Variants in OSGIN1 observed in about 807,000 individuals in gnomAD.
The protein encoded by OSGIN1 is oxidative stress-induced growth inhibitor 1.
A neutral mutation model predicts 20.1 loss-of-function variants in OSGIN1; 19 were observed. That is an observed-to-expected ratio of 0.95 (90% CI 0.66 to 1.39). OSGIN1 has a LOEUF of 1.39. Among genes scored for constraint, OSGIN1 ranks in the 40% most tolerant of loss-of-function variants. The pLI is 0.00. For missense variants in OSGIN1, 820 were observed against 653.0 expected (o/e 1.26, Z -2.79); for synonymous variants, 368 against 297.8 (o/e 1.24, Z -2.43).
intron 5 of OSGIN1, among the ~76,000 whole-genome samples, chr16:83,964,223 G>A (rs1467745427): frequency 6.6e-6 from 1 of 152,154 alleles, no homozygotes; most frequent in Non-Finnish European, 1.5e-5. Flanking sequence ...AGAATCACCT[G>A]AGCCCGGGAG....
At chr16:83,953,655 C>T (rs1438188398) in intron 1 of OSGIN1, among the ~76,000 whole-genome samples, 1 of 152,234 alleles carries the variant, frequency 6.6e-6, no homozygotes, top group Non-Finnish European at 1.5e-5. Context: ...ATGTGACCGC[C>T]GCTCCTAGCA....
chr16:83,953,703 G>C (rs973614343), intron 1 of OSGIN1, among the ~76,000 whole-genome samples: 1 of 152,238 alleles, frequency 6.6e-6, no homozygotes, highest in Non-Finnish European at 1.5e-5. Flanking sequence ...TTACTGCCCA[G>C]CTGTTCCAAG....
At chr16:83,958,028 C>T (rs1442173766) in intron 2 of OSGIN1, among the ~76,000 whole-genome samples, 2 of 152,126 alleles carry the variant, frequency 1.3e-5, no homozygotes, top group Non-Finnish European at 2.9e-5. Flanking sequence ...AGGTGCATGC[C>T]ACCATGCCCA....
At position 83,966,183 on chromosome 16, in the gene OSGIN1, A is replaced by G. The variant is rs987995434; in HGVS notation, c.*176A>G. 6.7e-6 allele frequency: 4 copies of G among 599,278 alleles called. No homozygotes were observed. In the African/African-American group the frequency reaches 7.4e-5, roughly 11 times the overall value. The allele number at this position is 599,278 out of a possible 1,614,324, so 37.1% of individuals were successfully genotyped here. A position where few individuals can be genotyped will look rare whatever the true frequency, so the allele number is the denominator to read the frequency against. On this transcript the variant is annotated 3_prime_UTR_variant, in exon 6 of 6. Transcript: ENST00000393306. ...TGCCCTGGACTTAGACCAGTGTCTG[A>G]GGTGGTAACAGCGGCCGCAGGCCAG... is the stretch of plus-strand genomic sequence containing the variant.
Position 83,960,220 on chromosome 16 carries a change from A to G in OSGIN1, c.205-349A>G, listed in dbSNP as rs1336166312. ...AATTAAACAGGTAAATGATGGCTGCAGGACTTGTCAGAGCCTTTAATATGC... is the reference window on the plus strand; with the variant it reads ...AATTAAACAGGTAAATGATGGCTGCGGGACTTGTCAGAGCCTTTAATATGC... On this transcript the variant is annotated intron_variant, in intron 3 of 5. Coordinates refer to ENST00000393306, the MANE Select transcript of OSGIN1 (RefSeq NM_182981.3). 2.6e-5 allele frequency among the ~76,000 whole-genome samples: 4 copies of G among 152,226 alleles called. No homozygotes were observed. The East Asian group carries it at 7.7e-4, about 29-fold the overall frequency.
At chr16:83,961,194 G>A in intron 5 of OSGIN1, 122 bp downstream of exon 5, 1 of 739,456 alleles carries the variant, frequency 1.4e-6, no homozygotes, top group Non-Finnish European at 2.3e-6. Flanking sequence ...ACGCGCCCGT[G>A]ACAGCCTCAG....
At chr16:83,961,682 C>T (rs1285500282) in intron 5 of OSGIN1, among the ~76,000 whole-genome samples, 1 of 152,166 alleles carries the variant, frequency 6.6e-6, no homozygotes, top group Non-Finnish European at 1.5e-5. Context: ...GTCCACCCCA[C>T]ATGAGTGGGG....
chr16:83,961,081 GC>G lies in OSGIN1; in HGVS notation c.488+13del, dbSNP rs1173484600. 14 of 1,606,738 alleles carry G rather than the reference GC, an allele frequency of 8.7e-6. No individual in the cohort carries two copies. The highest frequency in any genetic ancestry group is 1.2e-5 in the Non-Finnish European group (14 of 1,174,148). On this transcript the variant is annotated intron_variant, in intron 5 of 5. Coordinates refer to ENST00000393306, the MANE Select transcript of OSGIN1 (RefSeq NM_182981.3). Reference sequence around the variant, plus strand: ...ATGCAGAAGAAGCGAAGGTGAGGCCGCCCCGGAACGCCTTGGGGGACACGGA... The same window carrying G: ...ATGCAGAAGAAGCGAAGGTGAGGCCGCCCGGAACGCCTTGGGGGACACGGA...
intron 4 of OSGIN1, 22 bp from the exon 5 acceptor site, chr16:83,960,959 C>T (rs372683062): frequency 8.7e-6 from 14 of 1,609,292 alleles, no homozygotes; most frequent in Middle Eastern, 3.3e-4. Context: ...AGGCCTGGAC[C>T]AAAGGGTTCC....
intron 1 of OSGIN1, among the ~76,000 whole-genome samples, chr16:83,956,260 C>G (rs150235489): frequency 6.6e-6 from 1 of 152,188 alleles, no homozygotes; most frequent in Non-Finnish European, 1.5e-5. Context: ...TTTCTGTCAC[C>G]CTGCACACAT....
rs201021116 is a variant in OSGIN1, at chr16:83,966,023, G to A, written c.*16G>A. 26 of 1,502,438 alleles carry A rather than the reference G, an allele frequency of 1.7e-5. No individual in the cohort carries two copies. The highest frequency in any genetic ancestry group is 9.7e-5 in the African/African-American group (7 of 71,886). The allele number at this position is 1,502,438 out of a possible 1,614,324, so 93.1% of individuals were successfully genotyped here. On this transcript the variant is annotated 3_prime_UTR_variant, in exon 6 of 6. Coordinates refer to ENST00000393306, the MANE Select transcript of OSGIN1 (RefSeq NM_182981.3). The stretch of plus-strand genomic sequence containing the variant: ...GCCACCCTAACACTCGGCCAGACCC[G>A]CTGGCTCCCAGGCCCTGAGAGGACA...
At chr16:83,963,076 G>A (rs540377631) in intron 5 of OSGIN1, among the ~76,000 whole-genome samples, 26 of 152,230 alleles carry the variant, frequency 1.7e-4, no homozygotes, top group Non-Finnish European at 2.8e-4. Context: ...TGCTTCCTCC[G>A]CCCCCAGGGC....
chr16:83,959,357 G>A lies in OSGIN1; in HGVS notation c.165G>A (p.Arg55=), dbSNP rs1445116837. The A allele has an allele frequency of 5.0e-6, 8 of 1,613,738 alleles. No individual in the cohort carries two copies. Among genetic ancestry groups the A allele is most frequent in the African/African-American group, 1.3e-5 (1 of 74,910 alleles). ...TCCACCCACACCCCCTGCTGCAGAG[G>A]AAGCTCACCGAGGCCCCGGGGGTCT... is the stretch of plus-strand genomic sequence containing the variant. ...DAIHPHPLLQ[R]KLTEAPGVSI... The change falls in exon 3 of 6, where the codon AGG becomes AGA. Residue 55 remains arginine (R), a synonymous_variant. Transcript: ENST00000393306.
chr16:83,965,905 C>T lies in OSGIN1; in HGVS notation c.1332C>T (p.Ala444=), dbSNP rs371065642. ...YQSTRQEGLY[A]MGPLAGDNFV... is the part of the protein sequence containing the mutation. ...GCACCCGCCAGGAGGGCCTGTACGCCATGGGGCCGCTGGCCGGGGACAACT... is the reference window on the plus strand; with the variant it reads ...GCACCCGCCAGGAGGGCCTGTACGCTATGGGGCCGCTGGCCGGGGACAACT... Residue 444 remains alanine (A), a synonymous_variant, in exon 6 of 6, where the codon GCC becomes GCT. Coordinates refer to ENST00000393306, the MANE Select transcript of OSGIN1 (RefSeq NM_182981.3). The T allele has an allele frequency of 2.5e-6, 4 of 1,612,848 alleles. No homozygotes were observed. The highest frequency in any genetic ancestry group is 2.2e-5 in the East Asian group (1 of 44,872).
rs1334558050 is a variant in OSGIN1 at position 83,959,288 on chromosome 16, C to G, written c.96C>G (p.Ser32=). The G allele has an allele frequency of 1.2e-6, 2 of 1,613,758 alleles. No homozygotes were observed. Among genetic ancestry groups the G allele is most frequent in the Non-Finnish European group, 1.7e-6 (2 of 1,179,952 alleles). The part of the protein sequence containing the change: ...VGNGPSGICL[S]YLLSGYTPYT... ...ACGGCCCCTCTGGTATCTGCCTGTC[C>G]TACCTGCTCTCCGGCTACACACCCT... is the stretch of plus-strand genomic sequence containing the variant. Residue 32 remains serine, a synonymous_variant, in exon 3 of 6, where the codon TCC becomes TCG. Transcript: ENST00000393306.
intron 5 of OSGIN1, among the ~76,000 whole-genome samples, chr16:83,964,664 C>G (rs1597184311): frequency 6.6e-6 from 1 of 152,186 alleles, no homozygotes; most frequent in Admixed American, 6.5e-5. Flanking sequence ...TGTTTGTCAG[C>G]TCACCAAATC....
chr16:83,957,742 A>T lies in OSGIN1; in HGVS notation c.67+4A>T. The T allele has an allele frequency of 6.4e-7, 1 of 1,567,186 alleles. No homozygotes were observed. Among genetic ancestry groups the T allele is most frequent in the Non-Finnish European group, 8.7e-7 (1 of 1,151,260 alleles). ...CCCCTCCCGGTCATCATTGTGGGTG[A>T]GTGTCAGGCCCCAGCCAGGGAGGGG... On this transcript the variant is annotated splice_donor_region_variant and intron_variant, in intron 2 of 5. Coordinates refer to ENST00000393306, the MANE Select transcript of OSGIN1 (RefSeq NM_182981.3).
At chr16:83,954,172 G>A (rs1159622858) in intron 1 of OSGIN1, 1 of 152,218 alleles carries the variant, frequency 6.6e-6, no homozygotes, top group Admixed American at 6.5e-5. Flanking sequence ...GCACAATGGG[G>A]ATAAGAACAC....
rs2084236079 is a variant in OSGIN1, at chr16:83,963,245, T to C, written c.489-1817T>C. ...GGCAGCCAGAAACTTACATTTCGCT[T>C]GTAAGCACAGCCTTTTATAGGCTCA... On this transcript the variant is annotated intron_variant, in intron 5 of 5. Transcript: ENST00000393306. Among the ~76,000 whole-genome samples, 6 of 152,244 alleles carry C rather than the reference T, an allele frequency of 3.9e-5. No individual in the cohort carries two copies. The South Asian group carries it at 1.2e-3, about 31-fold the overall frequency.
Sources: gnomAD v4.1 joint callset for allele counts (sites outside exome capture counted in the v4.1 genomes callset) on GRCh38, gnomAD v4.1.1 for gene constraint, MANE v1.5 for transcripts, NCBI Gene and HGNC (gene_info 2026-07-23, HGNC 2026-07-21) for gene names.